The following VPS36 variants were observed in gnomAD, a reference collection of about 807,000 sequenced individuals.
VPS36 encodes the protein vacuolar protein sorting 36 homolog.
In VPS36, 31 loss-of-function variants were observed where a neutral mutation model predicts 63.5. That is an observed-to-expected ratio of 0.49 (90% confidence interval 0.37 to 0.66). VPS36 has a LOEUF of 0.66. Ranked by LOEUF, VPS36 falls within the 30% of genes least tolerant of loss-of-function variation. The pLI, the probability that VPS36 is intolerant of heterozygous loss-of-function variation, is 0.00. For synonymous variants in VPS36, 138 were observed against 157.2 expected, an observed-to-expected ratio of 0.88 and a Z score of 0.91; for missense variants, 338 against 463.7, an observed-to-expected ratio of 0.73 and a Z score of 2.49.
At chr13:52,436,236 C>CACACACAG in intron 4 of VPS36, 54 bp downstream of exon 4, 1 of 1,231,646 alleles carries the variant, frequency 8.1e-7, no homozygotes, top group Non-Finnish European at 1.2e-6. Context: ...CACACACACA[C>CACACACAG]ACACACACAC....
At chr13:52,436,538 T>C (rs573503452) in intron 3 of VPS36, 134 bp from the exon 4 acceptor site, 1 of 666,748 alleles carries the variant, frequency 1.5e-6, no homozygotes, top group African/African-American at 1.8e-5. Flanking sequence ...AAAGCATCCT[T>C]TTAAAGTGTG....
chr13:52,433,527 A>G (rs1430976784), intron 6 of VPS36, 135 bp downstream of exon 6: 2 of 673,458 alleles, frequency 3.0e-6, no homozygotes, highest in Admixed American at 3.5e-5. Flanking sequence ...AGACCTGTTA[A>G]AGAGAATAGG....
chr13:52,443,435 G>A (rs1414391522), intron 1 of VPS36, among the ~76,000 whole-genome samples: 2 of 152,114 alleles, frequency 1.3e-5, no homozygotes, highest in East Asian at 3.9e-4. Context: ...CCTATAAGAA[G>A]AGGAAGAGAC....
intron 9 of VPS36, among the ~76,000 whole-genome samples, chr13:52,425,240 G>C (rs1158190373): frequency 7.2e-6 from 1 of 138,140 alleles, no homozygotes; most frequent in Non-Finnish European, 1.5e-5. Context: ...GTGACAGAGC[G>C]AGACTCCGCC....
intron 1 of VPS36, among the ~76,000 whole-genome samples, chr13:52,448,609 C>T (rs1432135955): frequency 6.6e-6 from 1 of 152,216 alleles, no homozygotes; most frequent in East Asian, 1.9e-4. Context: ...TACTTGTCTG[C>T]TAATACAAGC....
rs1957968849 is a variant in VPS36, at chr13:52,413,875, G to T, written c.*1955C>A. ...CAAAGGTCTCGAAACAGTGAAGAAT[G>T]CCCACTTTAAAAATAAAATCAATCA... On this transcript the variant is annotated 3_prime_UTR_variant, in exon 14 of 14. Transcript: ENST00000378060. 6.6e-6 allele frequency: 1 copy of T among 152,220 alleles called. No homozygotes were observed. Among genetic ancestry groups the T allele is most frequent in the African/African-American group, 2.4e-5 (1 of 41,394 alleles). 9.4% of individuals were successfully genotyped at this position (152,220 alleles called of 1,614,324 possible).
Position 52,446,303 on chromosome 13 carries a change from A to G in VPS36, c.97-3858T>C, listed in dbSNP as rs893824920. ...AAAAGTACATAATGCTGCATTATAG[A>G]ACATATAGTTCTGATTAAGAAACTT... is the stretch of plus-strand genomic sequence containing the variant. On this transcript the variant is annotated intron_variant, in intron 1 of 13. Transcript: ENST00000378060. 3.0e-4 allele frequency among the ~76,000 whole-genome samples: 46 copies of G among 152,140 alleles called. 1 individual carries two copies. The highest frequency in any genetic ancestry group is 5.6e-4 in the Non-Finnish European group (38 of 68,014).
rs1957978761 is a variant in VPS36, at chr13:52,414,801, C to G, written c.*1029G>C. The G allele has an allele frequency of 1.3e-5, 2 of 152,206 alleles. No homozygotes were observed. The highest frequency in any genetic ancestry group is 4.1e-4 in the South Asian group (2 of 4,832). 9.4% of individuals were successfully genotyped at this position (152,206 alleles called of 1,614,324 possible). Reference sequence around the variant, plus strand: ...AACATACTGGAGGCTGTAGCAATAACATGTGAAGTCAGGCAGTCACTTTAA... The same window carrying G: ...AACATACTGGAGGCTGTAGCAATAAGATGTGAAGTCAGGCAGTCACTTTAA... On this transcript the variant is annotated 3_prime_UTR_variant, in exon 14 of 14. Coordinates refer to ENST00000378060, the MANE Select transcript of VPS36 (RefSeq NM_016075.4).
At position 52,415,001 on chromosome 13, in the gene VPS36, A is replaced by G. The variant is rs1241323695; in HGVS notation, c.*829T>C. 4 of 152,208 alleles carry G rather than the reference A, an allele frequency of 2.6e-5. No individual in the cohort carries two copies. The highest frequency in any genetic ancestry group is 7.2e-5 in the African/African-American group (3 of 41,444). 9.4% of individuals were successfully genotyped at this position (152,208 alleles called of 1,614,324 possible). ...AACTCCTTATGGAAAAGAAAAGGAG[A>G]TATTACTTTTCCACTTTCTATTTCC... On this transcript the variant is annotated 3_prime_UTR_variant, in exon 14 of 14. Transcript: ENST00000378060.
In VPS36 at chr13:52,414,221, G is replaced by C. The variant is rs1005692325; in HGVS notation, c.*1609C>G. On this transcript the variant is annotated 3_prime_UTR_variant, in exon 14 of 14. Coordinates refer to ENST00000378060, the MANE Select transcript of VPS36 (RefSeq NM_016075.4). ...GTGTACAAGTTTGCCAGAGCAGTGT[G>C]AGACAGTAAGTACCAACCAGAAAGA... 4 of 152,128 alleles carry C rather than the reference G, an allele frequency of 2.6e-5. No individual in the cohort carries two copies. Among genetic ancestry groups the C allele is most frequent in the African/African-American group, 9.7e-5 (4 of 41,422 alleles). 9.4% of individuals were successfully genotyped at this position (152,128 alleles called of 1,614,324 possible).
chr13:52,431,101 T>C (rs1265727619), intron 6 of VPS36, among the ~76,000 whole-genome samples: 1 of 151,894 alleles, frequency 6.6e-6, no homozygotes, highest in African/African-American at 2.4e-5. Context: ...GAGCTCAGCA[T>C]AAGGACTAGT....
At chr13:52,435,777 G>T (rs1355254754) in intron 4 of VPS36, 1 of 152,240 alleles carries the variant, frequency 6.6e-6, no homozygotes, top group Non-Finnish European at 1.5e-5. Flanking sequence ...TATTGATGGG[G>T]AGAATAAATA....
chr13:52,431,911 A>G (rs535624330), intron 6 of VPS36, among the ~76,000 whole-genome samples: 1 of 152,268 alleles, frequency 6.6e-6, no homozygotes, highest in South Asian at 2.1e-4. Flanking sequence ...ACCTAGTCAC[A>G]ACAAAAGCAC....
At chr13:52,440,938 A>T (rs975253120) in intron 2 of VPS36, among the ~76,000 whole-genome samples, 4 of 152,156 alleles carry the variant, frequency 2.6e-5, no homozygotes, top group African/African-American at 9.7e-5. Flanking sequence ...ATCAGGCATT[A>T]GACTCTCAAA....
At chr13:52,417,436 C>A (rs550664959) in intron 11 of VPS36, among the ~76,000 whole-genome samples, 1 of 152,164 alleles carries the variant, frequency 6.6e-6, no homozygotes, top group Non-Finnish European at 1.5e-5. Context: ...TCTTGGCTCA[C>A]CGCAACCTCC....
At chr13:52,423,274 T>C (rs1172941267) in intron 10 of VPS36, among the ~76,000 whole-genome samples, 1 of 152,026 alleles carries the variant, frequency 6.6e-6, no homozygotes. Flanking sequence ...AATTATTGTG[T>C]CAATTATAAA....
chr13:52,446,186 A>G (rs554039774), intron 1 of VPS36, among the ~76,000 whole-genome samples: 1 of 151,888 alleles, frequency 6.6e-6, no homozygotes, highest in African/African-American at 2.4e-5. Flanking sequence ...GAAACGCTTG[A>G]ACCCGGGAAG....
chr13:52,417,927 T>G, intron 11 of VPS36, 65 bp downstream of exon 11: 1 of 1,436,790 alleles, frequency 7.0e-7, no homozygotes, highest in Non-Finnish European at 9.6e-7. Context: ...TTGGCTGGGC[T>G]TTCCCATCTA....
chr13:52,432,241 C>G (rs1958166724), intron 6 of VPS36, among the ~76,000 whole-genome samples: 2 of 151,942 alleles, frequency 1.3e-5, no homozygotes, highest in South Asian at 4.2e-4. Context: ...GGCCCAGCTA[C>G]TCGGGAGGCT....
Sources: allele counts gnomAD v4.1 joint callset (sites outside exome capture counted in the v4.1 genomes callset), GRCh38; gene constraint gnomAD v4.1.1; transcripts MANE v1.5; gene names NCBI Gene and HGNC (gene_info 2026-07-23, HGNC 2026-07-21).